Variants in CDH18 observed in about 807,000 individuals in gnomAD.
The protein encoded by CDH18 is cadherin 18, also known as cadherin-18.
Under a neutral mutation model 67.9 loss-of-function variants are expected in CDH18, and 31 were observed. The observed-to-expected ratio is 0.46, with a 90% CI of 0.34 to 0.62. The LOEUF (loss-of-function observed/expected upper bound fraction) is 0.62, where lower values mean the gene tolerates loss of function less well. Among genes scored for constraint, CDH18 ranks in the 20% least tolerant of loss-of-function variants. The pLI is 0.01. For synonymous variants in CDH18, 362 were observed against 347.2 expected, an observed-to-expected ratio of 1.04 and a Z score of -0.48; for missense variants, 890 against 975.5, an observed-to-expected ratio of 0.91 and a Z score of 1.17.
At chr5:20,077,365 G>A (rs568090622) in intron 2 of CDH18, among the ~76,000 whole-genome samples, 8 of 152,240 alleles carry the variant, frequency 5.3e-5, no homozygotes, top group Admixed American at 3.9e-4. Context: ...ACAAATTGTC[G>A]TGCTATTCAG....
At chr5:19,725,028 G>A (rs968249553) in intron 4 of CDH18, among the ~76,000 whole-genome samples, 8 of 150,856 alleles carry the variant, frequency 5.3e-5, no homozygotes, top group Non-Finnish European at 8.8e-5. Context: ...CTGGGTTCAT[G>A]CCATTCTCCT....
intron 1 of CDH18, among the ~76,000 whole-genome samples, chr5:20,516,140 A>T (rs1755351747): frequency 1.3e-5 from 2 of 152,016 alleles, no homozygotes; most frequent in South Asian, 4.1e-4. Context: ...AGAGGTTTGT[A>T]GTACTTATTA....
intron 3 of CDH18, among the ~76,000 whole-genome samples, chr5:19,817,440 G>A (rs572425654): frequency 6.6e-6 from 1 of 151,912 alleles, no homozygotes; most frequent in Non-Finnish European, 1.5e-5. Context: ...ATTATTACAT[G>A]TAATAGCAAA....
At chr5:20,206,481 A>G (rs960960817) in intron 2 of CDH18, among the ~76,000 whole-genome samples, 1 of 152,020 alleles carries the variant, frequency 6.6e-6, no homozygotes, top group Admixed American at 6.6e-5. Flanking sequence ...AACTTATTCA[A>G]CGAGGTTAGT....
chr5:20,013,086 T>C (rs1387679505), intron 2 of CDH18, among the ~76,000 whole-genome samples: 1 of 152,092 alleles, frequency 6.6e-6, no homozygotes, highest in Non-Finnish European at 1.5e-5. Flanking sequence ...TTTTTAAAAG[T>C]AGTTTCTTAA....
At chr5:20,290,368 T>C (rs1468381369) in intron 1 of CDH18, among the ~76,000 whole-genome samples, 2 of 152,138 alleles carry the variant, frequency 1.3e-5, no homozygotes, top group Admixed American at 1.3e-4. Context: ...TATGTACCTG[T>C]GCAGCTAGAA....
At chr5:19,640,792 A>C (rs1039197285) in intron 5 of CDH18, among the ~76,000 whole-genome samples, 1 of 152,062 alleles carries the variant, frequency 6.6e-6, no homozygotes, top group African/African-American at 2.4e-5. Context: ...AACTAGAGAG[A>C]GTAAAACGAA....
At chr5:19,502,617 G>A in intron 11 of CDH18, 1 of 401,488 alleles carries the variant, frequency 2.5e-6, no homozygotes. Flanking sequence ...TGCAAGCATT[G>A]CATTTCCTTT....
intron 2 of CDH18, among the ~76,000 whole-genome samples, chr5:20,252,906 A>C (rs1056163031): frequency 4.0e-5 from 6 of 151,632 alleles, no homozygotes; most frequent in Non-Finnish European, 8.8e-5. Flanking sequence ...ACTGCACTCC[A>C]GCCTGGGCAA....
At position 20,382,814 on chromosome 5, in the gene CDH18, C is replaced by T. The variant is rs538768500; in HGVS notation, c.-579-127309G>A. Among the ~76,000 whole-genome samples the T allele has an allele frequency of 2.6e-5, 4 of 152,244 alleles. No homozygotes were observed. In the South Asian group the frequency reaches 8.3e-4, roughly 32 times the overall value. ...GTGCATAACTATACTGTAGGCTAGG[C>T]TATATTGTAACTACAGTGTGGACTG... is the stretch of plus-strand genomic sequence containing the variant. On this transcript the variant is annotated intron_variant, in intron 1 of 14. Transcript: ENST00000507958.
intron 1 of CDH18, among the ~76,000 whole-genome samples, chr5:20,467,528 A>G (rs1297517217): frequency 6.6e-6 from 1 of 152,182 alleles, no homozygotes; most frequent in East Asian, 1.9e-4. Context: ...ACAAATCAAT[A>G]GTTTCAGCCA....
chr5:19,655,543 G>T (rs1756240667), intron 5 of CDH18, among the ~76,000 whole-genome samples: 1 of 151,690 alleles, frequency 6.6e-6, no homozygotes, highest in Non-Finnish European at 1.5e-5. Flanking sequence ...AATATATTTG[G>T]AAATATTTAA....
At chr5:20,206,657 A>C (rs546517724) in intron 2 of CDH18, among the ~76,000 whole-genome samples, 1 of 151,970 alleles carries the variant, frequency 6.6e-6, no homozygotes, top group African/African-American at 2.4e-5. Context: ...TCCCAGGATA[A>C]GTATATATAT....
intron 2 of CDH18, among the ~76,000 whole-genome samples, chr5:19,864,420 C>A (rs905674590): frequency 1.3e-5 from 2 of 150,810 alleles, no homozygotes; most frequent in South Asian, 4.2e-4. Context: ...GGAGATACAC[C>A]TAATGCTACA....
intron 1 of CDH18, among the ~76,000 whole-genome samples, chr5:20,371,236 T>C (rs902431969): frequency 2.6e-5 from 4 of 152,128 alleles, no homozygotes; most frequent in African/African-American, 9.7e-5. Flanking sequence ...AGGATCTTCC[T>C]TGAGCAACTG....
At chr5:20,365,233 G>A (rs1284642344) in intron 1 of CDH18, among the ~76,000 whole-genome samples, 5 of 152,094 alleles carry the variant, frequency 3.3e-5, no homozygotes, top group African/African-American at 9.7e-5. Context: ...CATGGCACAG[G>A]GAGAGAGAGC....
intron 1 of CDH18, among the ~76,000 whole-genome samples, chr5:20,350,861 G>T (rs1422069297): frequency 6.6e-6 from 1 of 152,000 alleles, no homozygotes; most frequent in African/African-American, 2.4e-5. Flanking sequence ...GGTTAGAATT[G>T]CTCTTTCTTT....
At chr5:20,438,682 A>G (rs1749364565) in intron 1 of CDH18, among the ~76,000 whole-genome samples, 1 of 151,376 alleles carries the variant, frequency 6.6e-6, no homozygotes, top group Non-Finnish European at 1.5e-5. Flanking sequence ...TTCATATTAT[A>G]ATGATTATCC....
At chr5:19,698,385 A>G (rs1218817630) in intron 5 of CDH18, among the ~76,000 whole-genome samples, 1 of 152,142 alleles carries the variant, frequency 6.6e-6, no homozygotes, top group Non-Finnish European at 1.5e-5. Context: ...TATAAAATCT[A>G]TAAAACTAGG....
Sources: allele counts gnomAD v4.1 joint callset (sites outside exome capture counted in the v4.1 genomes callset), GRCh38; gene constraint gnomAD v4.1.1; transcripts MANE v1.5; gene names NCBI Gene and HGNC (gene_info 2026-07-23, HGNC 2026-07-21).